TCERG1L: variants seen among roughly 807,000 people sequenced by gnomAD.
The protein encoded by TCERG1L is transcription elongation regulator 1-like protein.
TCERG1L carries 37 observed loss-of-function variants against 56.3 expected under a neutral mutation model. The ratio of observed to expected loss-of-function variants is 0.66; its 90% confidence interval spans 0.51 to 0.87. The LOEUF (loss-of-function observed/expected upper bound fraction) is 0.87, where lower values mean the gene tolerates loss of function less well. Among genes scored for constraint, TCERG1L ranks in the 40% least tolerant of loss-of-function variants. The pLI is 0.00. For synonymous variants in TCERG1L, 324 were observed against 326.3 expected (o/e 0.99, Z 0.08); for missense variants, 799 against 774.2 (o/e 1.03, Z -0.38).
chr10:131,153,247 G>T (rs1845884209), intron 6 of TCERG1L, among the ~76,000 whole-genome samples: 1 of 152,126 alleles, frequency 6.6e-6, no homozygotes, highest in South Asian at 2.1e-4. Context: ...GCCTGGCTTA[G>T]ACTCATCTCC....
Position 131,176,134 on chromosome 10 carries a change from G to A in TCERG1L, c.857-9249C>T, listed in dbSNP as rs199926662. 3.9e-5 allele frequency among the ~76,000 whole-genome samples: 6 copies of A among 152,280 alleles called. No individual in the cohort carries two copies. In the East Asian group the frequency reaches 9.7e-4, roughly 25 times the overall value. On this transcript the variant is annotated intron_variant, in intron 4 of 11. Coordinates refer to ENST00000368642, the MANE Select transcript of TCERG1L (RefSeq NM_174937.4). ...GGTGTCCCTCCAAATGGGTTGTCAC[G>A]AAAGTCACAGCTGGGCTCAAGACTG...
Position 131,118,590 on chromosome 10 carries a change from G to A in TCERG1L, c.1260-1656C>T, listed in dbSNP as rs1169976345. Among the ~76,000 whole-genome samples, 1 of 151,994 alleles carries A rather than the reference G, an allele frequency of 6.6e-6. No individual in the cohort carries two copies. Among genetic ancestry groups the A allele is most frequent in the East Asian group, 1.9e-4 (1 of 5,160 alleles). On this transcript the variant is annotated intron_variant, in intron 8 of 11. Coordinates refer to ENST00000368642, the MANE Select transcript of TCERG1L (RefSeq NM_174937.4). The surrounding 1 kb of genome is among the most constrained non-coding windows in gnomAD (Gnocchi z 4.2). ...ATTTCTCATCCTCTGCCATGCCCCA[G>A]ATCTGACTCAGCAAGAATCTGCTGA...
chr10:131,243,833 A>G (rs567297312), intron 4 of TCERG1L, among the ~76,000 whole-genome samples: 1 of 152,350 alleles, frequency 6.6e-6, no homozygotes, highest in African/African-American at 2.4e-5. Flanking sequence ...GCTGGGCTCA[A>G]AATAACAAAA....
At position 131,159,149 on chromosome 10, in the gene TCERG1L, C is replaced by T. The variant is rs145321641; in HGVS notation, c.1034+3973G>A. 1.7e-3 allele frequency among the ~76,000 whole-genome samples: 265 copies of T among 152,336 alleles called. 2 individuals carry two copies. In the South Asian group the frequency reaches 0.023, roughly 13 times the overall value. ...CCTCGGCAGGAAAAGGGGCAGTGTG[C>T]CCTGGGGAGAGGGCTCCTTTCTCCT... On this transcript the variant is annotated intron_variant, in intron 6 of 11. Transcript: ENST00000368642.
chr10:131,199,557 TA>T (rs57150162), intron 4 of TCERG1L, among the ~76,000 whole-genome samples: 22,963 of 151,884 alleles, frequency 0.15, 1,893 homozygotes, highest in East Asian at 0.22. Context: ...AGAAAGAAAA[TA>T]AACTTTTTAT....
At chr10:131,214,266 C>T (rs1845646603) in intron 4 of TCERG1L, among the ~76,000 whole-genome samples, 1 of 152,218 alleles carries the variant, frequency 6.6e-6, no homozygotes, top group South Asian at 2.1e-4. Flanking sequence ...GCACGCCCTG[C>T]CCCCTGTCCA....
At chr10:131,229,428 G>T (rs1232477901) in intron 4 of TCERG1L, among the ~76,000 whole-genome samples, 1 of 152,206 alleles carries the variant, frequency 6.6e-6, no homozygotes, top group East Asian at 1.9e-4. Context: ...TGACACGCAG[G>T]TTTTATGCTT....
In TCERG1L at chr10:131,163,194, A is replaced by T. The variant is rs1377257596; in HGVS notation, c.962T>A (p.Leu321Gln). The change falls in exon 6 of 12, where the codon CTG becomes CAG. Residue 321 changes from leucine (L) to glutamine (Q), a missense_variant. Transcript: ENST00000368642. ...GGCTGTGCTGTCCTCTCCTCCCCCC[A>T]GCATCGGTGGAGGCTCCTTTCAACA... ...DKEDKEPPPM[L>Q]GGGEDSTARG... 2 of 1,555,498 alleles carry T rather than the reference A, an allele frequency of 1.3e-6. No homozygotes were observed. The highest frequency in any genetic ancestry group is 8.7e-7 in the Non-Finnish European group (1 of 1,150,228).
chr10:131,230,109 G>A (rs1845832954), intron 4 of TCERG1L, among the ~76,000 whole-genome samples: 2 of 152,158 alleles, frequency 1.3e-5, no homozygotes, highest in African/African-American at 4.8e-5. Flanking sequence ...ATTTTCCCCT[G>A]CAGCCTCCCA....
chr10:131,210,044 T>C (rs925015718), intron 4 of TCERG1L, among the ~76,000 whole-genome samples: 4 of 152,198 alleles, frequency 2.6e-5, no homozygotes, highest in East Asian at 1.9e-4. Context: ...CAAAAATGAA[T>C]GTTTTTTGCA....
intron 3 of TCERG1L, among the ~76,000 whole-genome samples, chr10:131,270,837 T>C (rs1410475861): frequency 2.0e-5 from 3 of 152,196 alleles, no homozygotes; most frequent in Non-Finnish European, 4.4e-5. Flanking sequence ...GCGGTGATGA[T>C]GGTGCCGACG....
intron 7 of TCERG1L, among the ~76,000 whole-genome samples, chr10:131,138,334 T>C (rs1486307484): frequency 6.6e-6 from 1 of 152,186 alleles, no homozygotes; most frequent in East Asian, 1.9e-4. Context: ...CATTCTCTGC[T>C]GACTGCAAAG....
intron 10 of TCERG1L, among the ~76,000 whole-genome samples, chr10:131,098,673 C>T (rs1171768337): frequency 1.3e-5 from 2 of 152,204 alleles, no homozygotes; most frequent in Non-Finnish European, 2.9e-5. Context: ...CTGGGTCAAA[C>T]GTGAAGCAGC....
chr10:131,275,244 G>A (rs1846379613), intron 3 of TCERG1L, among the ~76,000 whole-genome samples: 1 of 152,132 alleles, frequency 6.6e-6, no homozygotes, highest in African/African-American at 2.4e-5. Flanking sequence ...CCACCGCATG[G>A]GTATGAACAA....
At chr10:131,102,999 C>A (rs1227301236) in intron 10 of TCERG1L, among the ~76,000 whole-genome samples, 2 of 151,962 alleles carry the variant, frequency 1.3e-5, no homozygotes, top group African/African-American at 2.4e-5. Context: ...AAAATAGTCC[C>A]CGGAGAACCC....
chr10:131,205,770 T>C (rs921230997), intron 4 of TCERG1L, among the ~76,000 whole-genome samples: 4 of 152,230 alleles, frequency 2.6e-5, no homozygotes, highest in Non-Finnish European at 5.9e-5. Flanking sequence ...GACCTCATCC[T>C]TCCTAAGAGG....
At chr10:131,239,353 A>G (rs976187356) in intron 4 of TCERG1L, among the ~76,000 whole-genome samples, 1 of 152,270 alleles carries the variant, frequency 6.6e-6, no homozygotes, top group African/African-American at 2.4e-5. Context: ...GATGCCACGA[A>G]TAAGAATGAG....
At chr10:131,300,677 A>T (rs1282110919) in intron 3 of TCERG1L, among the ~76,000 whole-genome samples, 1 of 152,192 alleles carries the variant, frequency 6.6e-6, no homozygotes, top group Non-Finnish European at 1.5e-5. Context: ...CTATCTGATA[A>T]TTCTAACATC....
At chr10:131,096,883 CA>C (rs35527542) in intron 11 of TCERG1L, among the ~76,000 whole-genome samples, 87,936 of 134,588 alleles carry the variant, frequency 0.65, 27,711 homozygotes, top group African/African-American at 0.73. Flanking sequence ...GACTCCATCT[CA>C]AAAAAAAAAA....
Sources: gnomAD v4.1 joint callset for allele counts (sites outside exome capture counted in the v4.1 genomes callset) on GRCh38, gnomAD v4.1.1 for gene constraint, Gnocchi (gnomAD v3.1) non-coding constraint, MANE v1.5 for transcripts, NCBI Gene and HGNC (gene_info 2026-07-23, HGNC 2026-07-21) for gene names.